The following ARIH1 variants were observed in gnomAD, a reference collection of about 807,000 sequenced individuals.
The protein encoded by ARIH1 is E3 ubiquitin-protein ligase ARIH1.
In ARIH1, 8 loss-of-function variants were observed where a neutral mutation model predicts 85.0. The observed-to-expected ratio is 0.09, with a 90% CI of 0.06 to 0.17. The LOEUF (loss-of-function observed/expected upper bound fraction) is 0.17, where lower values mean the gene tolerates loss of function less well. ARIH1 is among the 10% of genes least tolerant of loss of function. The pLI is 1.00. For synonymous variants in ARIH1, 238 were observed against 253.6 expected (o/e 0.94, Z 0.59); for missense variants, 311 against 718.1 (o/e 0.43, Z 6.48).
In ARIH1 at chr15:72,599,744, A is replaced by G. The variant is rs756301554; in HGVS notation, c.*16452A>G. On this transcript the variant is annotated 3_prime_UTR_variant, in exon 14 of 14. Coordinates refer to ENST00000379887, the MANE Select transcript of ARIH1 (RefSeq NM_005744.5). Reference sequence around the variant, plus strand: ...TGAGGACTTTTACAGGCTGCATAATATGTCTTAATATGGATGTATCTTAGT... The same window carrying G: ...TGAGGACTTTTACAGGCTGCATAATGTGTCTTAATATGGATGTATCTTAGT... 3 of 152,178 alleles carry G rather than the reference A, an allele frequency of 2.0e-5. No homozygotes were observed. The highest frequency in any genetic ancestry group is 4.4e-5 in the Non-Finnish European group (3 of 68,046). The allele number at this position is 152,178 out of a possible 1,614,324, so 9.4% of individuals were successfully genotyped here.
chr15:72,487,193 A>G (rs1474454519), intron 1 of ARIH1, among the ~76,000 whole-genome samples: 1 of 152,184 alleles, frequency 6.6e-6, no homozygotes, highest in African/African-American at 2.4e-5. Flanking sequence ...AAAACAGAGC[A>G]GGTAATGAAG....
intron 11 of ARIH1, among the ~76,000 whole-genome samples, chr15:72,576,213 C>G (rs1282984892): frequency 6.6e-6 from 1 of 151,860 alleles, no homozygotes; most frequent in Non-Finnish European, 1.5e-5. Flanking sequence ...GTTAGGAACC[C>G]CTTTGATAGG....
intron 1 of ARIH1, among the ~76,000 whole-genome samples, chr15:72,491,152 G>A (rs2063857667): frequency 6.6e-6 from 1 of 151,676 alleles, no homozygotes. Flanking sequence ...AGATTTATTA[G>A]CATGATAAAT....
At chr15:72,540,221 G>A (rs2064100624) in intron 2 of ARIH1, among the ~76,000 whole-genome samples, 1 of 126,822 alleles carries the variant, frequency 7.9e-6, no homozygotes, top group Non-Finnish European at 1.6e-5. Flanking sequence ...TTGCACCATT[G>A]TACTCCAGCC....
chr15:72,478,763 C>G (rs2063804014), intron 1 of ARIH1, among the ~76,000 whole-genome samples: 2 of 152,166 alleles, frequency 1.3e-5, no homozygotes, highest in South Asian at 2.1e-4. Flanking sequence ...TCCACTGTCA[C>G]GATTTTGACT....
At chr15:72,527,346 G>A (rs1398844273) in intron 2 of ARIH1, among the ~76,000 whole-genome samples, 1 of 152,158 alleles carries the variant, frequency 6.6e-6, no homozygotes, top group Non-Finnish European at 1.5e-5. Context: ...TGCAACGTCT[G>A]AAAGCTGGAT....
chr15:72,572,064 T>A, intron 10 of ARIH1, 44 bp from the exon 11 acceptor site: 1 of 1,369,910 alleles, frequency 7.3e-7, no homozygotes, highest in Non-Finnish European at 1.0e-6. Flanking sequence ...TTCCTTTTCA[T>A]TGATTTTTTT....
intron 10 of ARIH1, among the ~76,000 whole-genome samples, chr15:72,571,129 CAAAAAAAAAAAAAAAAA>C (rs56376097): frequency 5.9e-4 from 36 of 61,478 alleles, no homozygotes; most frequent in African/African-American, 2.5e-3. Context: ...AACTGTGTCT[CAAAAAAAAAAAAAAAAA>C]AAAAAAAAAA....
At chr15:72,568,474 G>GT (rs2064230404) in intron 9 of ARIH1, among the ~76,000 whole-genome samples, 1 of 152,182 alleles carries the variant, frequency 6.6e-6, no homozygotes, top group African/African-American at 2.4e-5. Context: ...AAAATAGGGA[G>GT]TACAGGCTTG....
chr15:72,525,628 A>T (rs2064024055), intron 2 of ARIH1, among the ~76,000 whole-genome samples: 1 of 152,190 alleles, frequency 6.6e-6, no homozygotes, highest in Non-Finnish European at 1.5e-5. Context: ...AGAAGAATCG[A>T]CTGATTAACT....
intron 2 of ARIH1, among the ~76,000 whole-genome samples, chr15:72,539,160 T>C (rs1444229713): frequency 6.6e-6 from 1 of 152,210 alleles, no homozygotes; most frequent in Non-Finnish European, 1.5e-5. Context: ...GTGCTTTACA[T>C]TGAGTCAGTT....
Position 72,544,912 on chromosome 15 carries a change from C to T in ARIH1, c.536C>T (p.Ser179Leu), listed in dbSNP as rs2140423929. The T allele has an allele frequency of 6.2e-7, 1 of 1,613,290 alleles. No individual in the cohort carries two copies. The highest frequency in any genetic ancestry group is 8.5e-7 in the Non-Finnish European group (1 of 1,179,410). Reference protein sequence around the residue: ...KSRTRQMNTRSSAQDMPCQIC... With the variant: ...KSRTRQMNTRLSAQDMPCQIC... ...CGAACACGCCAGATGAATACAAGGT[C>T]ATCAGCACAGGATATGCCTTGTCAG... Residue 179 changes from serine (S) to leucine (L), a missense_variant, in exon 3 of 14, where the codon TCA (serine) becomes TTA (leucine). Physicochemically the swap from Ser to Leu is moderately radical, Grantham distance 145. Around this residue, in one of 3 missense-constraint regions of ARIH1, gnomAD observed 104 missense variants for 221.4 expected, o/e 0.47. Transcript: ENST00000379887.
At chr15:72,512,860 T>G (rs954058649) in intron 1 of ARIH1, among the ~76,000 whole-genome samples, 1 of 152,116 alleles carries the variant, frequency 6.6e-6, no homozygotes, top group Non-Finnish European at 1.5e-5. Flanking sequence ...CTCTTAAGTA[T>G]AATTGTGGAA....
At chr15:72,520,226 A>T (rs1002454393) in intron 2 of ARIH1, among the ~76,000 whole-genome samples, 1 of 152,200 alleles carries the variant, frequency 6.6e-6, no homozygotes, top group Non-Finnish European at 1.5e-5. Flanking sequence ...TAGAGAAGCT[A>T]TTGGATACCT....
At position 72,594,934 on chromosome 15, in the gene ARIH1, T is replaced by G. The variant is rs2064357871; in HGVS notation, c.*11642T>G. ...TTTCTTAATCTTAGGGATAAAGATT[T>G]TAATGTTTCATCACTAAGTATAATG... On this transcript the variant is annotated 3_prime_UTR_variant, in exon 14 of 14. Coordinates refer to ENST00000379887, the MANE Select transcript of ARIH1 (RefSeq NM_005744.5). The G allele has an allele frequency of 6.7e-6, 1 of 150,036 alleles. No homozygotes were observed. The highest frequency in any genetic ancestry group is 1.5e-5 in the Non-Finnish European group (1 of 67,622). 9.3% of individuals were successfully genotyped at this position (150,036 alleles called of 1,614,324 possible).
At chr15:72,489,464 G>C (rs1408119451) in intron 1 of ARIH1, among the ~76,000 whole-genome samples, 2 of 152,108 alleles carry the variant, frequency 1.3e-5, no homozygotes, top group Non-Finnish European at 2.9e-5. Context: ...TATGCTAGTA[G>C]TCATTGTGTT....
rs1429977708 is a variant in ARIH1, at chr15:72,593,603, T to C, written c.*10311T>C. The C allele has an allele frequency of 1.3e-5, 2 of 152,222 alleles. No individual in the cohort carries two copies. The highest frequency in any genetic ancestry group is 4.8e-5 in the African/African-American group (2 of 41,458). The allele number at this position is 152,222 out of a possible 1,614,324, so 9.4% of individuals were successfully genotyped here. A position where few individuals can be genotyped will look rare whatever the true frequency, so the allele number is the denominator to read the frequency against. On this transcript the variant is annotated 3_prime_UTR_variant, in exon 14 of 14. Transcript: ENST00000379887. ...TTCTTTACCCATTAGATTGACTTGG[T>C]AGCTTGGTTAAAAATTGATCACGTG...
At chr15:72,578,622 T>C (rs1200362737) in intron 11 of ARIH1, among the ~76,000 whole-genome samples, 1 of 152,118 alleles carries the variant, frequency 6.6e-6, no homozygotes, top group African/African-American at 2.4e-5. Context: ...GTTTTCAAAT[T>C]GTTGGCAAAC....
chr15:72,476,233 C>T (rs1191379101), intron 1 of ARIH1, among the ~76,000 whole-genome samples: 1 of 152,170 alleles, frequency 6.6e-6, no homozygotes, highest in Non-Finnish European at 1.5e-5. Flanking sequence ...AGCATCTATT[C>T]AGGCACTGTT....
Sources: allele counts gnomAD v4.1 joint callset (sites outside exome capture counted in the v4.1 genomes callset), GRCh38; gene constraint gnomAD v4.1.1; regional missense constraint gnomAD v4.1.1; transcripts MANE v1.5; gene names NCBI Gene and HGNC (gene_info 2026-07-23, HGNC 2026-07-21).